Variants in EDNRB observed in about 807,000 individuals in gnomAD.
EDNRB encodes endothelin receptor type B.
Under a neutral mutation model 46.4 loss-of-function variants are expected in EDNRB, and 18 were observed. The observed-to-expected ratio is 0.39, with a 90% CI of 0.27 to 0.57. The LOEUF is 0.57. EDNRB is among the 20% of genes least tolerant of loss of function. The pLI, the probability that EDNRB is intolerant of heterozygous loss-of-function variation, is 0.61. For missense variants in EDNRB, 434 were observed against 537.5 expected, an observed-to-expected ratio of 0.81 and a Z score of 1.90; for synonymous variants, 213 against 204.9, an observed-to-expected ratio of 1.04 and a Z score of -0.34.
chr13:77,958,045 G>T (rs1881290985), intron 1 of EDNRB, among the ~76,000 whole-genome samples: 1 of 152,206 alleles, frequency 6.6e-6, no homozygotes, highest in South Asian at 2.1e-4. Context: ...ATTGACTAGA[G>T]CTGGGCTTCC....
Position 77,895,901 on chromosome 13 carries a change from A to T in EDNRB, c.*2299T>A, listed in dbSNP as rs1594351491. ...GGATAATAAGGGAGAAAATAGGTTA[A>T]AATCTTTTATAAATCTTTTGAGCTG... On this transcript the variant is annotated 3_prime_UTR_variant, in exon 7 of 7. Transcript: ENST00000646607. The T allele has an allele frequency of 6.5e-6, 1 of 152,682 alleles. No individual in the cohort carries two copies. The highest frequency in any genetic ancestry group is 1.9e-4 in the East Asian group (1 of 5,228). 9.5% of individuals were successfully genotyped at this position (152,682 alleles called of 1,614,324 possible).
At chr13:77,965,965 C>A (rs776130675) in intron 1 of EDNRB, among the ~76,000 whole-genome samples, 9 of 152,252 alleles carry the variant, frequency 5.9e-5, no homozygotes, top group Middle Eastern at 3.4e-3. Flanking sequence ...CAGCCTCAAC[C>A]TTTTGGTCTC....
At chr13:77,952,820 C>A (rs1422026384) in intron 1 of EDNRB, among the ~76,000 whole-genome samples, 1 of 152,168 alleles carries the variant, frequency 6.6e-6, no homozygotes, top group East Asian at 1.9e-4. Flanking sequence ...TACCCCATCA[C>A]ATTGCTGATT....
intron 1 of EDNRB, among the ~76,000 whole-genome samples, chr13:77,938,773 G>C (rs1038526582): frequency 2.0e-5 from 3 of 152,166 alleles, no homozygotes; most frequent in African/African-American, 4.8e-5. Context: ...ATTGAAAGGA[G>C]AAAGTGGTTG....
chr13:77,971,753 C>T (rs1336451886), intron 1 of EDNRB, among the ~76,000 whole-genome samples: 4 of 152,074 alleles, frequency 2.6e-5, no homozygotes, highest in Non-Finnish European at 1.5e-5. Flanking sequence ...TGCAGGACTC[C>T]AATTGCATCT....
chr13:77,897,315 AT>A lies in EDNRB; in HGVS notation c.*884del. 1 of 985,264 alleles carries A rather than the reference AT, an allele frequency of 1.0e-6. No individual in the cohort carries two copies. Among genetic ancestry groups the A allele is most frequent in the African/African-American group, 1.7e-5 (1 of 57,338 alleles). The allele number at this position is 985,264 out of a possible 1,614,324, so 61.0% of individuals were successfully genotyped here. ...TAAGCTACGATAGTGAAAGAAGAAG[AT>A]TTTAATAATCCTGAAAAAATTGTAG... On this transcript the variant is annotated 3_prime_UTR_variant, in exon 7 of 7. Transcript: ENST00000646607.
intron 1 of EDNRB, among the ~76,000 whole-genome samples, chr13:77,971,217 T>C (rs1012679949): frequency 1.3e-5 from 2 of 152,240 alleles, no homozygotes; most frequent in African/African-American, 4.8e-5. Context: ...TAAACTTCAA[T>C]GGTGATGTTG....
chr13:77,919,600 A>G, upstream of EDNRB: 1 of 1,608,566 alleles, frequency 6.2e-7, no homozygotes, highest in South Asian at 1.1e-5. Flanking sequence ...GCCATCAGAC[A>G]AGTACTTTTA....
upstream of EDNRB, chr13:77,919,522 C>A (rs199556320): frequency 1.6e-5 from 26 of 1,612,704 alleles, no homozygotes; most frequent in African/African-American, 2.3e-4. Flanking sequence ...CAGGCGGGTC[C>A]GGCTCTGACG....
chr13:77,897,068 T>C lies in EDNRB; in HGVS notation c.*1132A>G, dbSNP rs571029520. ...AAAAATAGTATTTTAACTATAGCAT[T>C]ATACATATGCTAGAAACCATTTTAA... On this transcript the variant is annotated 3_prime_UTR_variant, in exon 7 of 7. Transcript: ENST00000646607. The C allele has an allele frequency of 1.0e-6, 1 of 986,244 alleles. No homozygotes were observed. The highest frequency in any genetic ancestry group is 1.1e-4 in the East Asian group (1 of 8,792). 61.1% of individuals were successfully genotyped at this position (986,244 alleles called of 1,614,324 possible). A position where few individuals can be genotyped will look rare whatever the true frequency, so the allele number is the denominator to read the frequency against.
chr13:77,964,234 C>T lies in EDNRB; in HGVS notation c.-52+11113G>A, dbSNP rs1183385483. 3.3e-5 allele frequency among the ~76,000 whole-genome samples: 5 copies of T among 152,154 alleles called. No individual in the cohort carries two copies. The South Asian group carries it at 1.0e-3, about 32-fold the overall frequency. ...GTGGCCACTCCTCAAGGATCTAGAACTAGAAATACCATTTGATCCAGCCAT... is the reference window on the plus strand; with the variant it reads ...GTGGCCACTCCTCAAGGATCTAGAATTAGAAATACCATTTGATCCAGCCAT... On this transcript the variant is annotated intron_variant, in intron 1 of 7. Coordinates refer to the EDNRB transcript ENST00000646948.
Position 77,901,231 on chromosome 13 carries a change from C to T in EDNRB, c.802-24G>A, listed in dbSNP as rs12720195. ...AACTATAGGGATGAGAGAATTTTTACGATTAATACTCCTCTGTAAGAAAAT... is the reference window on the plus strand; with the variant it reads ...AACTATAGGGATGAGAGAATTTTTATGATTAATACTCCTCTGTAAGAAAAT... On this transcript the variant is annotated intron_variant, in intron 3 of 6. Transcript: ENST00000646607. The T allele has an allele frequency of 1.4e-4, 231 of 1,606,374 alleles. No individual in the cohort carries two copies. The African/African-American group carries it at 2.2e-3, about 16-fold the overall frequency.
chr13:77,905,616 G>A (rs1343446549), intron 1 of EDNRB, among the ~76,000 whole-genome samples: 1 of 151,972 alleles, frequency 6.6e-6, no homozygotes, highest in Non-Finnish European at 1.5e-5. Context: ...TTAAACAGAG[G>A]CTGTGATCAT....
At position 77,918,705 on chromosome 13, in the gene EDNRB, G is replaced by T. The variant is rs201210421; in HGVS notation, c.-132C>A. 1 of 1,373,386 alleles carries T rather than the reference G, an allele frequency of 7.3e-7. No individual in the cohort carries two copies. The highest frequency in any genetic ancestry group is 1.9e-5 in the South Asian group (1 of 53,418). The allele number at this position is 1,373,386 out of a possible 1,614,324, so 85.1% of individuals were successfully genotyped here. ...GTCGCTGCAAACGCTAATACCGCCC[G>T]CAGCCTCTTCGCCAGTATCCACGCT... is the stretch of plus-strand genomic sequence containing the variant. On this transcript the variant is annotated 5_prime_UTR_variant, in exon 1 of 7. Transcript: ENST00000646607. This position sits in a 1 kb window ranked among gnomAD's most constrained non-coding sequence, Gnocchi z 4.5.
chr13:77,913,142 C>T (rs769382532), intron 1 of EDNRB, among the ~76,000 whole-genome samples: 17 of 152,132 alleles, frequency 1.1e-4, no homozygotes, highest in African/African-American at 3.9e-4. Flanking sequence ...GAAAGATAAT[C>T]CTGATTGTGT....
At chr13:77,932,109 C>G (rs2137655197) in intron 1 of EDNRB, among the ~76,000 whole-genome samples, 1 of 150,170 alleles carries the variant, frequency 6.7e-6, no homozygotes, top group African/African-American at 2.5e-5. Context: ...AGACCCAAAA[C>G]TGGAGAAGAG....
chr13:77,927,265 A>G (rs1031308245), intron 1 of EDNRB, among the ~76,000 whole-genome samples: 20 of 152,224 alleles, frequency 1.3e-4, no homozygotes, highest in African/African-American at 4.8e-4. Context: ...TAGATGCTTG[A>G]GTAAGTTCAG....
At chr13:77,900,910 T>C in intron 4 of EDNRB, 148 bp downstream of exon 4, 1 of 976,516 alleles carries the variant, frequency 1.0e-6, no homozygotes, top group Non-Finnish European at 1.5e-6. Flanking sequence ...ATAAAAATAT[T>C]CTTTATCTAT....
intron 1 of EDNRB, among the ~76,000 whole-genome samples, chr13:77,905,927 C>A (rs929404739): frequency 2.0e-5 from 3 of 151,832 alleles, no homozygotes; most frequent in Admixed American, 6.6e-5. Context: ...GAGTTCATTG[C>A]AAGGTTTGAA....
Sources: gnomAD v4.1 joint callset for allele counts (sites outside exome capture counted in the v4.1 genomes callset) on GRCh38, gnomAD v4.1.1 for gene constraint, Gnocchi (gnomAD v3.1) non-coding constraint, MANE v1.5 for transcripts, NCBI Gene and HGNC (gene_info 2026-07-23, HGNC 2026-07-21) for gene names.